C6: variants seen among roughly 807,000 people sequenced by gnomAD.
C6 encodes the protein complement C6.
C6 carries 101 observed loss-of-function variants against 112.9 expected under a neutral mutation model. The ratio of observed to expected loss-of-function variants is 0.89; its 90% CI spans 0.76 to 1.06. The LOEUF is 1.06. Ranked by LOEUF, C6 falls within the 50% of genes least tolerant of loss-of-function variation. C6 has a pLI of 0.00. For synonymous variants in C6, 431 were observed against 384.1 expected (o/e 1.12, Z -1.43); for missense variants, 1,202 against 1,104.6 (o/e 1.09, Z -1.25).
intron 1 of C6, among the ~76,000 whole-genome samples, chr5:41,204,674 T>TC (rs1554030739): frequency 4.8e-5 from 7 of 144,944 alleles, no homozygotes; most frequent in Admixed American, 1.4e-4. Context: ...TTTTTTCTTT[T>TC]TTTTTTTTTT....
chr5:41,195,692 AGTTAAT>A (rs1750556660), intron 5 of C6, 94 bp downstream of exon 5: 1 of 1,255,878 alleles, frequency 8.0e-7, no homozygotes, highest in Non-Finnish European at 1.2e-6. Context: ...AGTAGTAAGA[AGTTAAT>A]GAGGAAGATG....
intron 1 of C6, among the ~76,000 whole-genome samples, chr5:41,209,275 G>A (rs932518922): frequency 3.3e-5 from 5 of 152,130 alleles, no homozygotes; most frequent in African/African-American, 1.2e-4. Flanking sequence ...TACCGAATGA[G>A]TAAAAACTGG....
upstream of C6, among the ~76,000 whole-genome samples, chr5:41,216,421 T>C (rs1358065638): frequency 6.6e-6 from 1 of 152,168 alleles, no homozygotes; most frequent in Non-Finnish European, 1.5e-5. Flanking sequence ...TACACCCATC[T>C]AGGATTTTAT....
intron 9 of C6, among the ~76,000 whole-genome samples, chr5:41,166,753 A>G (rs972756268): frequency 6.6e-6 from 1 of 152,162 alleles, no homozygotes; most frequent in Non-Finnish European, 1.5e-5. Flanking sequence ...ATGAACAACA[A>G]TAGAGATGGT....
rs777003437 is a variant in C6 at position 41,172,319 on chromosome 5, A to G, written c.1197T>C (p.Cys399=). ...CGCGTTTCTTTGTTTCAATCCTGAC[A>G]CAGTGTTTGGCTTCTTCCTCGGTTA... ...SGLTEEEAKH[C]VRIETKKRVL... is the part of the protein sequence containing the mutation. Residue 399 remains cysteine, a synonymous_variant, in exon 9 of 18, where the codon TGT becomes TGC. Coordinates refer to ENST00000337836, the MANE Select transcript of C6 (RefSeq NM_000065.5). 25 of 1,613,522 alleles carry G rather than the reference A, an allele frequency of 1.5e-5. No individual in the cohort carries two copies. Among genetic ancestry groups the G allele is most frequent in the East Asian group, 2.2e-5 (1 of 44,846 alleles).
intron 1 of C6, among the ~76,000 whole-genome samples, chr5:41,248,808 C>T (rs1449652299): frequency 6.6e-6 from 1 of 152,114 alleles, no homozygotes; most frequent in East Asian, 1.9e-4. Flanking sequence ...ACCCAGCAAT[C>T]CCATTACTGG....
Position 41,209,211 on chromosome 5 carries a change from G to C in C6, c.-21+4165C>G, listed in dbSNP as rs1468569807. 6.6e-5 allele frequency among the ~76,000 whole-genome samples: 10 copies of C among 152,200 alleles called. No individual in the cohort carries two copies. The East Asian group carries it at 1.9e-3, about 29-fold the overall frequency. On this transcript the variant is annotated intron_variant, in intron 1 of 17. Coordinates refer to ENST00000337836, the MANE Select transcript of C6 (RefSeq NM_000065.5). ...ACTCTCAATAAACTAGGTATTGATG[G>C]GATGTATCTCAAAATAATAAGAGCT... is the stretch of plus-strand genomic sequence containing the variant.
chr5:41,154,945 A>AGTT, intron 14 of C6, 27 bp downstream of exon 14: 1 of 1,612,286 alleles, frequency 6.2e-7, no homozygotes, highest in East Asian at 2.2e-5. Context: ...TAAAGTAGTC[A>AGTT]AGCAAAATTG....
intron 1 of C6, chr5:41,212,764 A>T (rs1178735043): frequency 6.6e-6 from 1 of 152,216 alleles, no homozygotes; most frequent in African/African-American, 2.4e-5. Flanking sequence ...TCCAAAAATC[A>T]GTGATCCCAT....
intron 1 of C6, among the ~76,000 whole-genome samples, chr5:41,238,770 T>C (rs1740498741): frequency 1.3e-5 from 2 of 152,228 alleles, no homozygotes; most frequent in African/African-American, 4.8e-5. Flanking sequence ...AGGGCATAGA[T>C]ATTAGTAAAA....
At chr5:41,207,802 A>C (rs1751559004) in intron 1 of C6, among the ~76,000 whole-genome samples, 1 of 152,224 alleles carries the variant, frequency 6.6e-6, no homozygotes, top group Non-Finnish European at 1.5e-5. Context: ...CCCCACTGTC[A>C]ACATGAGACA....
rs144819312 is a variant in C6, at chr5:41,205,174, C to T, written c.-20-1924G>A. Among the ~76,000 whole-genome samples the T allele has an allele frequency of 1.4e-3, 208 of 152,172 alleles. 6 individuals are homozygous for T. The East Asian group carries it at 0.038, about 28-fold the overall frequency. ...TGAAAATACTACCTATGCTTTTTAC[C>T]CAAGCTTTTTACTCCAACTCATAGA... is the stretch of plus-strand genomic sequence containing the variant. On this transcript the variant is annotated intron_variant, in intron 1 of 17. Transcript: ENST00000337836.
chr5:41,220,575 T>C (rs979564915), intron 1 of C6, among the ~76,000 whole-genome samples: 1 of 152,178 alleles, frequency 6.6e-6, no homozygotes, highest in African/African-American at 2.4e-5. Flanking sequence ...CTATCTTTTT[T>C]ACTATAACCA....
At chr5:41,209,781 G>A (rs1026162147) in intron 1 of C6, among the ~76,000 whole-genome samples, 1 of 152,150 alleles carries the variant, frequency 6.6e-6, no homozygotes, top group African/African-American at 2.4e-5. Context: ...CGTGAAAATG[G>A]CCATACTGCT....
At chr5:41,211,811 A>C (rs1751956611) in intron 1 of C6, among the ~76,000 whole-genome samples, 1 of 152,202 alleles carries the variant, frequency 6.6e-6, no homozygotes, top group Non-Finnish European at 1.5e-5. Flanking sequence ...AAATTCTTAA[A>C]GCTTCTGGTG....
intron 4 of C6, among the ~76,000 whole-genome samples, chr5:41,198,052 C>A (rs1392875688): frequency 6.6e-6 from 1 of 152,090 alleles, no homozygotes; most frequent in Non-Finnish European, 1.5e-5. Flanking sequence ...ATTCTCTAGT[C>A]TTTTATGCTT....
intron 1 of C6, among the ~76,000 whole-genome samples, chr5:41,244,353 C>T (rs1190801437): frequency 2.0e-5 from 3 of 152,072 alleles, no homozygotes; most frequent in African/African-American, 7.2e-5. Context: ...TCTGTTAATT[C>T]TTATAACATC....
At chr5:41,244,526 A>G (rs1052974232) in intron 1 of C6, among the ~76,000 whole-genome samples, 2 of 152,190 alleles carry the variant, frequency 1.3e-5, no homozygotes, top group Non-Finnish European at 2.9e-5. Flanking sequence ...TGTAGCTTCT[A>G]TGCAACCTAA....
At chr5:41,232,233 T>C (rs1739948984) in intron 1 of C6, among the ~76,000 whole-genome samples, 1 of 152,124 alleles carries the variant, frequency 6.6e-6, no homozygotes, top group African/African-American at 2.4e-5. Context: ...TTTGTATGTT[T>C]CCCCCTCTGC....
Sources: gnomAD v4.1 joint callset for allele counts (sites outside exome capture counted in the v4.1 genomes callset) on GRCh38, gnomAD v4.1.1 for gene constraint, MANE v1.5 for transcripts, NCBI Gene and HGNC (gene_info 2026-07-23, HGNC 2026-07-21) for gene names.